OSBP: variants seen among roughly 807,000 people sequenced by gnomAD.
The protein encoded by OSBP is oxysterol-binding protein 1.
Under a neutral mutation model 96.6 loss-of-function variants are expected in OSBP, and 32 were observed. The ratio of observed to expected loss-of-function variants is 0.33; its 90% CI spans 0.25 to 0.45. OSBP has a LOEUF of 0.45. Ranked by LOEUF, OSBP falls within the 20% of genes least tolerant of loss-of-function variation. The pLI, the probability that OSBP is intolerant of heterozygous loss-of-function variation, is 1.00. For missense variants in OSBP, 653 were observed against 1,029.7 expected (o/e 0.63, Z 5.01); for synonymous variants, 369 against 389.6 (o/e 0.95, Z 0.62).
At position 59,597,490 on chromosome 11, in the gene OSBP, T is replaced by C. The variant is rs374928363; in HGVS notation, c.1311+3006A>G. ...CTTTTCAAGCCCCCAATAAACTAATTATTATTTTAGGTTTATCCTAAGGCT... is the reference window on the plus strand; with the variant it reads ...CTTTTCAAGCCCCCAATAAACTAATCATTATTTTAGGTTTATCCTAAGGCT... On this transcript the variant is annotated intron_variant, in intron 7 of 13. Transcript: ENST00000263847. Among the ~76,000 whole-genome samples the C allele has an allele frequency of 3.3e-5, 5 of 152,104 alleles. No individual in the cohort carries two copies. In the South Asian group the frequency reaches 6.2e-4, roughly 19 times the overall value.
chr11:59,583,991 A>G (rs1860461223), intron 9 of OSBP, among the ~76,000 whole-genome samples: 1 of 143,180 alleles, frequency 7.0e-6, no homozygotes, highest in Non-Finnish European at 1.5e-5. Context: ...TGTCGCCCAG[A>G]CTGGAATGCA....
intron 9 of OSBP, 58 bp downstream of exon 9, chr11:59,593,546 C>A (rs1454232251): frequency 6.3e-7 from 1 of 1,599,376 alleles, no homozygotes; most frequent in African/African-American, 1.3e-5. Context: ...CCTCCTCCAT[C>A]GTGCCAGAAA....
chr11:59,608,529 G>A lies in OSBP; in HGVS notation c.777C>T (p.Asn259=), dbSNP rs754912799. 7.1e-5 allele frequency: 114 copies of A among 1,613,860 alleles called. No homozygotes were observed. The highest frequency in any genetic ancestry group is 1.6e-4 in the Middle Eastern group (1 of 6,082). ...TTATCCTAAAGAGTGTGGCTCGTTC[G>A]TTGACCTGTTTGATCTTTTCATTGC... ...AESNEKIKQV[N]ERATLFRITS... is the part of the protein sequence containing the mutation. Residue 259 remains asparagine (N), a synonymous_variant, in exon 3 of 14, where the codon AAC becomes AAT. Coordinates refer to ENST00000263847, the MANE Select transcript of OSBP (RefSeq NM_002556.3).
intron 2 of OSBP, among the ~76,000 whole-genome samples, chr11:59,609,133 G>C (rs1343053332): frequency 6.6e-6 from 1 of 152,150 alleles, no homozygotes; most frequent in Non-Finnish European, 1.5e-5. Flanking sequence ...CTTAACTCTA[G>C]CTTGATGATT....
intron 9 of OSBP, 32 bp downstream of exon 9, chr11:59,593,572 A>G: frequency 6.2e-7 from 1 of 1,612,476 alleles, no homozygotes; most frequent in South Asian, 1.1e-5. Context: ...TCATTCCAGG[A>G]GCATTAATTC....
intron 3 of OSBP, among the ~76,000 whole-genome samples, chr11:59,604,823 C>T (rs1017355396): frequency 1.1e-4 from 17 of 151,770 alleles, no homozygotes; most frequent in Non-Finnish European, 1.9e-4. Context: ...CCACTGCACT[C>T]CAGCCTGGGT....
At chr11:59,578,951 T>C (rs1439492789) in intron 11 of OSBP, among the ~76,000 whole-genome samples, 3 of 152,228 alleles carry the variant, frequency 2.0e-5, no homozygotes, top group African/African-American at 7.2e-5. Flanking sequence ...CTTTTAGTTA[T>C]TTTAAAATGT....
intron 11 of OSBP, 64 bp from the exon 12 acceptor site, chr11:59,578,394 T>G (rs1410552410): frequency 6.8e-7 from 1 of 1,476,830 alleles, no homozygotes; most frequent in African/African-American, 1.4e-5. Context: ...TACCTGACTA[T>G]ACTGGAAGTC....
intron 3 of OSBP, among the ~76,000 whole-genome samples, chr11:59,604,372 C>T (rs185447939): frequency 6.6e-6 from 1 of 152,026 alleles, no homozygotes; most frequent in Admixed American, 6.6e-5. Context: ...CATACAAGAC[C>T]CCATCTCTAT....
chr11:59,583,790 C>A (rs890591823), intron 9 of OSBP, among the ~76,000 whole-genome samples: 3 of 151,378 alleles, frequency 2.0e-5, no homozygotes, highest in Non-Finnish European at 2.9e-5. Flanking sequence ...AAGGTGCCCA[C>A]CACCACACCT....
At position 59,608,799 on chromosome 11, in the gene OSBP, A is replaced by C. The variant is rs551075848; in HGVS notation, c.572-65T>G. The C allele has an allele frequency of 8.5e-6, 13 of 1,522,398 alleles. No homozygotes were observed. The African/African-American group carries it at 1.8e-4, about 21-fold the overall frequency. The allele number at this position is 1,522,398 out of a possible 1,614,324, so 94.3% of individuals were successfully genotyped here. On this transcript the variant is annotated intron_variant, in intron 2 of 13. Transcript: ENST00000263847. Reference sequence around the variant, plus strand: ...AGGAGTGACAGTTGGAACCCTACCTACTCTGTCCAGAAACAAACCAACATT... The same window carrying C: ...AGGAGTGACAGTTGGAACCCTACCTCCTCTGTCCAGAAACAAACCAACATT...
chr11:59,581,192 C>T (rs1378096502), intron 10 of OSBP, among the ~76,000 whole-genome samples: 1 of 152,124 alleles, frequency 6.6e-6, no homozygotes, highest in Non-Finnish European at 1.5e-5. Context: ...TTTTTTCTAC[C>T]TGTCGTAGCA....
chr11:59,584,744 C>A (rs772702321), intron 9 of OSBP, among the ~76,000 whole-genome samples: 4 of 152,098 alleles, frequency 2.6e-5, no homozygotes, highest in Non-Finnish European at 5.9e-5. Context: ...GGCAAGGATG[C>A]CCACTTTCAC....
At chr11:59,612,398 T>TC in intron 1 of OSBP, among the ~76,000 whole-genome samples, 1 of 152,306 alleles carries the variant, frequency 6.6e-6, no homozygotes, top group Admixed American at 6.5e-5. Flanking sequence ...TGTTTTCTAC[T>TC]CCAAGTATAC....
Position 59,610,378 on chromosome 11 carries a change from G to A in OSBP, c.571+3C>T, listed in dbSNP as rs1860829441. On this transcript the variant is annotated splice_donor_region_variant and intron_variant, in intron 2 of 13. Coordinates refer to ENST00000263847, the MANE Select transcript of OSBP (RefSeq NM_002556.3). ...CCCCAGGCAGGTGTTCTTTGTTCCT[G>A]ACCTGACTCTGCCAGCATCTTCACA... 2 of 1,612,296 alleles carry A rather than the reference G, an allele frequency of 1.2e-6. No individual in the cohort carries two copies. The highest frequency in any genetic ancestry group is 1.3e-5 in the African/African-American group (1 of 74,900).
chr11:59,581,523 C>G lies in OSBP; in HGVS notation c.1710G>C (p.Gly570=), dbSNP rs1860420396. The G allele has an allele frequency of 6.2e-7, 1 of 1,611,998 alleles. No homozygotes were observed. The change falls in exon 10 of 14, where the codon GGG becomes GGC. Residue 570 remains glycine (G), a synonymous_variant. Transcript: ENST00000263847. Reference sequence around the variant, plus strand: ...TAACTTTCTTCCAAGTGTAGTGGTGCCCAGTTGCATGGAAAATACAATGAA... The same window carrying G: ...TAACTTTCTTCCAAGTGTAGTGGTGGCCAGTTGCATGGAAAATACAATGAA... ...GTIHCIFHAT[G]HHYTWKKVTT... is the part of the protein sequence containing the mutation.
Position 59,594,103 on chromosome 11 carries a change from G to T in OSBP, c.1464C>A (p.Val488=). The T allele has an allele frequency of 6.2e-7, 1 of 1,614,144 alleles. No individual in the cohort carries two copies. Among genetic ancestry groups the T allele is most frequent in the Admixed American group, 1.7e-5 (1 of 60,016 alleles). ...GGTTGAATGGCTTACTGGTGCGGAA[G>T]ACAGTAGTGGAGTAGGAGGACACGG... ...AFTVSSYSTT[V]FRTSKPFNPL... The change falls in exon 8 of 14, where the codon GTC becomes GTA. Residue 488 remains valine (V), a synonymous_variant. Transcript: ENST00000263847.
intron 9 of OSBP, among the ~76,000 whole-genome samples, chr11:59,591,582 T>C (rs1190151602): frequency 6.6e-6 from 1 of 151,976 alleles, no homozygotes; most frequent in Non-Finnish European, 1.5e-5. Context: ...GGTCTTTTTT[T>C]GTATCATTAT....
intron 1 of OSBP, 83 bp from the exon 2 acceptor site, chr11:59,610,672 A>G: frequency 1.6e-5 from 18 of 1,117,940 alleles, no homozygotes; most frequent in Non-Finnish European, 2.4e-5. Flanking sequence ...CATAACTCTG[A>G]GCTCCCTGAA....
Sources: gnomAD v4.1 joint callset for allele counts (sites outside exome capture counted in the v4.1 genomes callset) on GRCh38, gnomAD v4.1.1 for gene constraint, MANE v1.5 for transcripts, NCBI Gene and HGNC (gene_info 2026-07-23, HGNC 2026-07-21) for gene names.